GAP43: variants seen among roughly 807,000 people sequenced by gnomAD.
GAP43 encodes the protein neuromodulin.
Under a neutral mutation model 18.6 loss-of-function variants are expected in GAP43, and 6 were observed. The ratio of observed to expected loss-of-function variants is 0.32; its 90% CI spans 0.18 to 0.64. GAP43 has a LOEUF of 0.64. Ranked by LOEUF, GAP43 falls within the 30% of genes least tolerant of loss-of-function variation. The pLI, the probability that GAP43 is intolerant of heterozygous loss-of-function variation, is 0.78. For missense variants in GAP43, 292 were observed against 295.5 expected (o/e 0.99, Z 0.09); for synonymous variants, 115 against 111.4 (o/e 1.03, Z -0.20).
At chr3:115,698,108 AATATATAATATATATTATATATAAT>A (rs1559804209) in intron 2 of GAP43, among the ~76,000 whole-genome samples, 2 of 28,432 alleles carry the variant, frequency 7.0e-5, no homozygotes, top group African/African-American at 9.1e-5. Flanking sequence ...TAATATATAA[AATATATAATATATATTATATATAAT>A]ATATATAATA....
chr3:115,663,747 G>A, intron 1 of GAP43: 1 of 1,551,002 alleles, frequency 6.4e-7, no homozygotes, highest in Non-Finnish European at 8.7e-7. Flanking sequence ...CTTTTAGACA[G>A]TGAACTAGGC....
At chr3:115,698,139 TAA>T (rs1709234471) in intron 2 of GAP43, among the ~76,000 whole-genome samples, 20 of 14,608 alleles carry the variant, frequency 1.4e-3, no homozygotes, top group South Asian at 2.5e-3. Context: ...ATAATATATA[TAA>T]TATATATTAT....
At chr3:115,668,847 T>G (rs1339877894) in intron 1 of GAP43, among the ~76,000 whole-genome samples, 1 of 151,998 alleles carries the variant, frequency 6.6e-6, no homozygotes, top group African/African-American at 2.4e-5. Flanking sequence ...GAGACCAGCC[T>G]GGGTAATATG....
intron 2 of GAP43, among the ~76,000 whole-genome samples, chr3:115,708,310 T>C (rs988246721): frequency 2.0e-5 from 3 of 152,216 alleles, no homozygotes; most frequent in Non-Finnish European, 4.4e-5. Context: ...GTAGTTGAGC[T>C]GGGTCATAGG....
chr3:115,637,883 T>C (rs936971593), intron 1 of GAP43, among the ~76,000 whole-genome samples: 1 of 152,106 alleles, frequency 6.6e-6, no homozygotes, highest in African/African-American at 2.4e-5. Context: ...TTTCATTGGA[T>C]GCTACTGTTC....
intron 1 of GAP43, among the ~76,000 whole-genome samples, chr3:115,666,331 A>G (rs1708732544): frequency 6.6e-6 from 1 of 152,196 alleles, no homozygotes; most frequent in South Asian, 2.1e-4. Flanking sequence ...GATATAGCTC[A>G]GTAGTACTGT....
chr3:115,623,740 C>A, intron 1 of GAP43, 21 bp downstream of exon 1: 2 of 1,613,914 alleles, frequency 1.2e-6, no homozygotes, highest in Non-Finnish European at 1.7e-6. Flanking sequence ...AGATTTTTTA[C>A]TTCTTGCTGT....
chr3:115,702,769 C>T lies in GAP43; in HGVS notation c.629-18025C>T, dbSNP rs116685220. Reference sequence around the variant, plus strand: ...TCAAAGGAAAAAATTCTAATCTCAGCTAAACATCCATGAGACAAAGAATGG... The same window carrying T: ...TCAAAGGAAAAAATTCTAATCTCAGTTAAACATCCATGAGACAAAGAATGG... On this transcript the variant is annotated intron_variant, in intron 2 of 2. Coordinates refer to ENST00000305124, the MANE Select transcript of GAP43 (RefSeq NM_002045.4). Among the ~76,000 whole-genome samples the T allele has an allele frequency of 9.5e-3, 1,452 of 152,170 alleles. 23 individuals carry two copies. Among genetic ancestry groups the T allele is most frequent in the African/African-American group, 0.034 (1,399 of 41,514 alleles).
intron 2 of GAP43, among the ~76,000 whole-genome samples, chr3:115,692,663 T>C (rs1284780007): frequency 2.6e-5 from 4 of 152,114 alleles, no homozygotes; most frequent in Non-Finnish European, 5.9e-5. Context: ...GAGGAGAAGG[T>C]AGGGTATGTT....
chr3:115,663,496 T>C (rs917989316), intron 1 of GAP43: 1 of 1,172,120 alleles, frequency 8.5e-7, no homozygotes, highest in Non-Finnish European at 1.1e-6. Flanking sequence ...CCCTGCTCTC[T>C]GATATTTTTC....
At chr3:115,654,290 T>G (rs895446278) in intron 1 of GAP43, among the ~76,000 whole-genome samples, 2 of 152,216 alleles carry the variant, frequency 1.3e-5, no homozygotes, top group African/African-American at 4.8e-5. Context: ...AGTCACACAC[T>G]TGTCCACTTA....
intron 2 of GAP43, among the ~76,000 whole-genome samples, chr3:115,695,075 G>A (rs1709167088): frequency 6.6e-6 from 1 of 152,178 alleles, no homozygotes; most frequent in African/African-American, 2.4e-5. Flanking sequence ...TTTGAATATT[G>A]TAGATTTCAA....
At chr3:115,641,237 T>C (rs1708391641) in intron 1 of GAP43, among the ~76,000 whole-genome samples, 1 of 151,744 alleles carries the variant, frequency 6.6e-6, no homozygotes, top group Non-Finnish European at 1.5e-5. Flanking sequence ...ATCACCTTCT[T>C]CATAAAATCA....
intron 2 of GAP43, among the ~76,000 whole-genome samples, chr3:115,712,371 A>T (rs529969947): frequency 3.9e-5 from 6 of 152,166 alleles, no homozygotes; most frequent in Non-Finnish European, 8.8e-5. Context: ...TCTCTTAATC[A>T]TCTGTCTGGG....
At chr3:115,668,771 G>A (rs1485817570) in intron 1 of GAP43, among the ~76,000 whole-genome samples, 4 of 152,108 alleles carry the variant, frequency 2.6e-5, no homozygotes, top group African/African-American at 7.2e-5. Context: ...AGGGAGCAGT[G>A]CCTCACACTG....
chr3:115,655,965 A>T (rs1483834144), intron 1 of GAP43, among the ~76,000 whole-genome samples: 1 of 152,206 alleles, frequency 6.6e-6, no homozygotes, highest in Non-Finnish European at 1.5e-5. Flanking sequence ...CACATGCCTT[A>T]GGCCAAAGCA....
chr3:115,709,838 A>T (rs1243066932), intron 2 of GAP43, among the ~76,000 whole-genome samples: 1 of 91,572 alleles, frequency 1.1e-5, no homozygotes, highest in East Asian at 3.7e-4. Flanking sequence ...AGTATACATG[A>T]ACATACATAT....
At chr3:115,713,555 G>A (rs1167709724) in intron 2 of GAP43, among the ~76,000 whole-genome samples, 5 of 152,218 alleles carry the variant, frequency 3.3e-5, no homozygotes, top group South Asian at 2.1e-4. Context: ...ACAAGCAGCC[G>A]CTGCTGCATA....
chr3:115,696,862 C>T lies in GAP43; in HGVS notation c.628+20252C>T, dbSNP rs536510626. On this transcript the variant is annotated intron_variant, in intron 2 of 2. Transcript: ENST00000305124. ...GTTTGTTTGATTTTAGACAGAGTCC[C>T]ACCATTGTTGCCCAGGCTAGAGTGT... is the stretch of plus-strand genomic sequence containing the variant. Among the ~76,000 whole-genome samples, 317 of 152,098 alleles carry T rather than the reference C, an allele frequency of 2.1e-3. 1 individual carries two copies. Among genetic ancestry groups the T allele is most frequent in the African/African-American group, 7.1e-3 (294 of 41,462 alleles).
Sources: allele counts gnomAD v4.1 joint callset (sites outside exome capture counted in the v4.1 genomes callset), GRCh38; gene constraint gnomAD v4.1.1; transcripts MANE v1.5; gene names NCBI Gene and HGNC (gene_info 2026-07-23, HGNC 2026-07-21).